The following TTC12 variants were observed in gnomAD, a reference collection of about 807,000 sequenced individuals.
TTC12 encodes tetratricopeptide repeat protein 12.
TTC12 carries 70 observed loss-of-function variants against 90.1 expected under a neutral mutation model. That is an observed-to-expected ratio of 0.78 (90% CI 0.64 to 0.95). TTC12 has a LOEUF of 0.95. TTC12 is among the 40% of genes least tolerant of loss of function. TTC12 has a pLI of 0.00. For missense variants in TTC12, 819 were observed against 846.1 expected (o/e 0.97, Z 0.40); for synonymous variants, 296 against 311.5 (o/e 0.95, Z 0.53).
At chr11:113,329,323 G>A (rs1255063607) in intron 6 of TTC12, among the ~76,000 whole-genome samples, 4 of 152,112 alleles carry the variant, frequency 2.6e-5, no homozygotes, top group African/African-American at 7.2e-5. Flanking sequence ...TCACAGCAGG[G>A]TAGACTCCAG....
At chr11:113,339,998 C>T (rs1333040702) in intron 10 of TTC12, among the ~76,000 whole-genome samples, 1 of 152,154 alleles carries the variant, frequency 6.6e-6, no homozygotes, top group Non-Finnish European at 1.5e-5. Context: ...GAATGGAAGA[C>T]AGAATTTTGT....
intron 2 of TTC12, among the ~76,000 whole-genome samples, chr11:113,321,432 G>A (rs1396798516): frequency 6.6e-6 from 1 of 152,102 alleles, no homozygotes; most frequent in Non-Finnish European, 1.5e-5. Flanking sequence ...ATAAGAGAAT[G>A]GATTAACTAT....
chr11:113,347,192 A>C (rs1468739231), intron 13 of TTC12, among the ~76,000 whole-genome samples: 1 of 152,208 alleles, frequency 6.6e-6, no homozygotes, highest in East Asian at 1.9e-4. Flanking sequence ...TGAAGGATGA[A>C]TCTGAACTAA....
chr11:113,324,105 T>A, intron 4 of TTC12, 90 bp downstream of exon 4: 1 of 1,066,868 alleles, frequency 9.4e-7, no homozygotes, highest in South Asian at 1.4e-5. Flanking sequence ...AATTATTGCC[T>A]TTGAGCTTAC....
At chr11:113,340,329 G>T (rs1417898765) in intron 10 of TTC12, among the ~76,000 whole-genome samples, 1 of 152,204 alleles carries the variant, frequency 6.6e-6, no homozygotes, top group South Asian at 2.1e-4. Context: ...AGAACAGATG[G>T]ATATGCTGGT....
chr11:113,323,680 C>G (rs868945028), intron 3 of TTC12, among the ~76,000 whole-genome samples: 1 of 152,068 alleles, frequency 6.6e-6, no homozygotes, highest in Admixed American at 6.5e-5. Flanking sequence ...CTCTCCACCC[C>G]CTGAGCTTGT....
At position 113,341,975 on chromosome 11, in the gene TTC12, A is replaced by C. The variant is rs376824360; in HGVS notation, c.985+50A>C. 827 of 1,504,312 alleles carry C rather than the reference A, an allele frequency of 5.5e-4. 5 individuals carry two copies. The African/African-American group carries it at 0.01, about 19-fold the overall frequency. The allele number at this position is 1,504,312 out of a possible 1,614,324, so 93.2% of individuals were successfully genotyped here. ...TCACCATTAATGCGCTGCGTGCAGG[A>C]ACTACGCTGTTGGGTGGACTGTCCT... On this transcript the variant is annotated intron_variant, in intron 12 of 21. Coordinates refer to ENST00000529221, the MANE Select transcript of TTC12 (RefSeq NM_017868.4).
intron 1 of TTC12, 103 bp downstream of exon 1, chr11:113,314,721 G>C (rs1466956999): frequency 6.5e-6 from 1 of 152,946 alleles, no homozygotes; most frequent in Non-Finnish European, 1.5e-5. Context: ...AGCATGGGAA[G>C]GTCTTGGCTG....
rs1555150641 is a variant in TTC12 at position 113,352,208 on chromosome 11, G to A, written c.1446+1G>A. ...TGGGGATGGCTGCTTGAGCCTCCTG[G>A]TATGTTAGCTTTTCTATTCAAAATT... On this transcript the variant is annotated splice_donor_variant, in intron 16 of 21. Transcript: ENST00000529221. LOFTEE classifies it high-confidence loss of function. 6.2e-7 allele frequency: 1 copy of A among 1,614,178 alleles called. No individual in the cohort carries two copies. Among genetic ancestry groups the A allele is most frequent in the South Asian group, 1.1e-5 (1 of 91,082 alleles).
intron 6 of TTC12, among the ~76,000 whole-genome samples, chr11:113,326,277 G>A (rs1947689985): frequency 1.3e-5 from 2 of 152,158 alleles, no homozygotes; most frequent in South Asian, 2.1e-4. Context: ...TGAAGGGATA[G>A]GCTGATAGCT....
chr11:113,342,783 G>T (rs1948752698), intron 12 of TTC12, among the ~76,000 whole-genome samples: 1 of 152,110 alleles, frequency 6.6e-6, no homozygotes, highest in Admixed American at 6.6e-5. Flanking sequence ...GGGGAGTTAT[G>T]CCCAGACTAC....
At chr11:113,347,064 C>T (rs1949012029) in intron 13 of TTC12, among the ~76,000 whole-genome samples, 1 of 152,118 alleles carries the variant, frequency 6.6e-6, no homozygotes, top group Admixed American at 6.5e-5. Flanking sequence ...AGTGAGGGGG[C>T]CTAGCTGCTT....
intron 2 of TTC12, 30 bp from the exon 3 acceptor site, chr11:113,323,258 T>G (rs782701369): frequency 3.6e-5 from 55 of 1,520,074 alleles, no homozygotes; most frequent in Non-Finnish European, 4.5e-5. Flanking sequence ...ATATCTTGTT[T>G]GATTAAGTCA....
chr11:113,324,419 G>A (rs45495397), intron 4 of TTC12, among the ~76,000 whole-genome samples, 186 bp from the exon 5 acceptor site: 3,685 of 152,278 alleles, frequency 0.024, 74 homozygotes, highest in Non-Finnish European at 0.037. Context: ...GCATCACACA[G>A]ATTACCATTT....
chr11:113,361,700 T>G (rs11214587), intron 18 of TTC12, among the ~76,000 whole-genome samples: 53,246 of 152,078 alleles, frequency 0.35, 10,756 homozygotes, highest in Non-Finnish European at 0.47. Context: ...TCTGATAAAC[T>G]TCCCATAAAC....
At chr11:113,329,840 T>C in intron 6 of TTC12, 80 bp from the exon 7 acceptor site, 1 of 1,174,834 alleles carries the variant, frequency 8.5e-7, no homozygotes, top group East Asian at 2.3e-5. Flanking sequence ...CATTCTACTG[T>C]TCGAATGTTC....
In TTC12 at chr11:113,364,828, C is replaced by G. The variant is rs1591220160; in HGVS notation, c.1817-7C>G. 1.2e-6 allele frequency: 2 copies of G among 1,613,038 alleles called. No individual in the cohort carries two copies. The highest frequency in any genetic ancestry group is 2.2e-5 in the East Asian group (1 of 44,892). On this transcript the variant is annotated splice_region_variant and splice_polypyrimidine_tract_variant and intron_variant, in intron 20 of 21. Coordinates refer to ENST00000529221, the MANE Select transcript of TTC12 (RefSeq NM_017868.4). The stretch of plus-strand genomic sequence containing the variant: ...GAGCTGTTGCTTGTTCTCTTCTTTC[C>G]CTGCAGAGTTGAGCGTTATGATGAA...
At chr11:113,344,134 A>G in intron 12 of TTC12, 138 bp from the exon 13 acceptor site, 1 of 1,011,726 alleles carries the variant, frequency 9.9e-7, no homozygotes, top group Non-Finnish European at 1.4e-6. Context: ...TGGTTCTAGA[A>G]TCCACACTCT....
At chr11:113,320,089 A>T (rs1165481637) in intron 2 of TTC12, among the ~76,000 whole-genome samples, 1 of 152,162 alleles carries the variant, frequency 6.6e-6, no homozygotes, top group Non-Finnish European at 1.5e-5. Context: ...GAAAAGACAA[A>T]GAATACCCAA....
Sources: allele counts gnomAD v4.1 joint callset (sites outside exome capture counted in the v4.1 genomes callset), GRCh38; gene constraint gnomAD v4.1.1; transcripts MANE v1.5; gene names NCBI Gene and HGNC (gene_info 2026-07-23, HGNC 2026-07-21).